MTRFR: variants seen among roughly 807,000 people sequenced by gnomAD.
MTRFR encodes the protein probable peptide chain release factor C12orf65, mitochondrial.
A neutral mutation model predicts 11.9 loss-of-function variants in MTRFR; 10 were observed. The observed-to-expected ratio is 0.84, with a 90% CI of 0.52 to 1.42. The LOEUF is 1.42. Among genes scored for constraint, MTRFR ranks in the 40% most tolerant of loss-of-function variants. The pLI is 0.00. For missense variants in MTRFR, 196 were observed against 197.9 expected (o/e 0.99, Z 0.06); for synonymous variants, 77 against 79.1 (o/e 0.97, Z 0.14).
chr12:123,249,792 A>C (rs1405731687), intron 1 of MTRFR: 1 of 152,390 alleles, frequency 6.6e-6, no homozygotes, highest in Non-Finnish European at 1.5e-5. Context: ...AGGCGCCGAG[A>C]GCGAGTGAGG....
chr12:123,252,491 CGTT>C, intron 1 of MTRFR: 1 of 151,568 alleles, frequency 6.6e-6, no homozygotes, highest in Non-Finnish European at 1.5e-5. Context: ...AGTTGGACCA[CGTT>C]GTTGGCAGTG....
chr12:123,256,793 T>C lies in MTRFR; in HGVS notation c.283-20T>C. On this transcript the variant is annotated intron_variant, in intron 2 of 2. Transcript: ENST00000253233. ...TTAACATCCTGTGGTTTTCACATTA[T>C]AAAATATTATCTCTTACAGTGCCAT... 1.9e-6 allele frequency: 3 copies of C among 1,590,416 alleles called. No individual in the cohort carries two copies. The highest frequency in any genetic ancestry group is 2.6e-6 in the Non-Finnish European group (3 of 1,158,686).
At position 123,256,932 on chromosome 12, in the gene MTRFR, G is replaced by C; in HGVS notation, c.402G>C (p.Ala134=). Residue 134 remains alanine (A), a synonymous_variant, in exon 3 of 3, where the codon GCG becomes GCC. Coordinates refer to ENST00000253233, the MANE Select transcript of MTRFR (RefSeq NM_152269.5). ...CTGTTCACAAAGAAAAACGAGAAGCGGCGAAGAAAAAACAAGAAAGGAAAA... is the reference window on the plus strand; with the variant it reads ...CTGTTCACAAAGAAAAACGAGAAGCCGCGAAGAAAAAACAAGAAAGGAAAA... The part of the protein sequence containing the change: ...NSPVHKEKRE[A]AKKKQERKKR... 6.2e-7 allele frequency: 1 copy of C among 1,613,408 alleles called. No homozygotes were observed. The highest frequency in any genetic ancestry group is 8.5e-7 in the Non-Finnish European group (1 of 1,179,882).
intron 1 of MTRFR, among the ~76,000 whole-genome samples, chr12:123,246,692 T>G: frequency 1.4e-5 from 2 of 145,670 alleles, no homozygotes; most frequent in Non-Finnish European, 1.5e-5. Flanking sequence ...TCTGAGAGAG[T>G]GCTTGATATA....
In MTRFR at chr12:123,256,938, G is replaced by A; in HGVS notation, c.408G>A (p.Lys136=). The part of the protein sequence containing the change: ...PVHKEKREAA[K]KKQERKKRAK... ...ACAAAGAAAAACGAGAAGCGGCGAA[G>A]AAAAAACAAGAAAGGAAAAAAAGAG... The change falls in exon 3 of 3, where the codon AAG becomes AAA. Residue 136 remains lysine (K), a synonymous_variant. Coordinates refer to ENST00000253233, the MANE Select transcript of MTRFR (RefSeq NM_152269.5). The A allele has an allele frequency of 6.2e-7, 1 of 1,612,872 alleles. No homozygotes were observed. The highest frequency in any genetic ancestry group is 2.2e-5 in the East Asian group (1 of 44,850).
intron 1 of MTRFR, among the ~76,000 whole-genome samples, chr12:123,243,534 A>G: frequency 9.4e-6 from 1 of 106,352 alleles, no homozygotes; most frequent in African/African-American, 2.9e-5. Flanking sequence ...CGTCTCAAAA[A>G]AAAAAAAAAA....
upstream of MTRFR, chr12:123,233,078 G>A (rs1035784867): frequency 1.3e-5 from 2 of 152,286 alleles, no homozygotes; most frequent in African/African-American, 4.8e-5. Context: ...CGCTTACCTG[G>A]CCGCCGCTCC....
chr12:123,238,364 A>T (rs1261134449), intron 1 of MTRFR, among the ~76,000 whole-genome samples: 2 of 152,164 alleles, frequency 1.3e-5, no homozygotes, highest in African/African-American at 2.4e-5. Context: ...ACTGTTTATT[A>T]GGTCATTGTT....
intron 1 of MTRFR, chr12:123,251,019 G>A (rs1465560038): frequency 6.6e-6 from 1 of 152,336 alleles, no homozygotes; most frequent in Admixed American, 6.5e-5. Context: ...TGCGGCTGCT[G>A]TAGGGAATGT....
At chr12:123,252,995 C>G (rs1053590015) in intron 1 of MTRFR, among the ~76,000 whole-genome samples, 1 of 149,698 alleles carries the variant, frequency 6.7e-6, no homozygotes, top group African/African-American at 2.5e-5. Context: ...CATTTAAATA[C>G]TGGCACTTGA....
chr12:123,241,281 C>T (rs1342162814), intron 1 of MTRFR, among the ~76,000 whole-genome samples: 1 of 151,544 alleles, frequency 6.6e-6, no homozygotes, highest in East Asian at 1.9e-4. Context: ...TGTGAGCCAT[C>T]ACACCCAGCA....
chr12:123,242,114 T>C (rs2047949306), intron 1 of MTRFR, among the ~76,000 whole-genome samples: 1 of 152,252 alleles, frequency 6.6e-6, no homozygotes, highest in Non-Finnish European at 1.5e-5. Flanking sequence ...CACAAATTAA[T>C]GTTCCCTTTT....
intron 1 of MTRFR, among the ~76,000 whole-genome samples, chr12:123,241,641 ATT>A (rs2047939299): frequency 6.6e-6 from 1 of 151,554 alleles, no homozygotes; most frequent in African/African-American, 2.4e-5. Context: ...TGCCCAGCCT[ATT>A]TTGTTTTTTA....
intron 1 of MTRFR, among the ~76,000 whole-genome samples, chr12:123,236,211 A>C (rs928872824): frequency 8.5e-5 from 13 of 152,238 alleles, no homozygotes; most frequent in Admixed American, 6.5e-4. Context: ...TTGAAAACCT[A>C]ATGGTTTCCA....
chr12:123,256,070 A>G (rs2048179186), intron 2 of MTRFR, among the ~76,000 whole-genome samples: 1 of 152,110 alleles, frequency 6.6e-6, no homozygotes, highest in Non-Finnish European at 1.5e-5. Flanking sequence ...CTGGCTTAAG[A>G]TTTATCTTTT....
intron 1 of MTRFR, among the ~76,000 whole-genome samples, chr12:123,245,853 G>A (rs555664457): frequency 6.6e-6 from 1 of 152,250 alleles, no homozygotes; most frequent in South Asian, 2.1e-4. Context: ...TTAGCAAACA[G>A]TGACAGCTTG....
At chr12:123,250,557 G>T in intron 1 of MTRFR, 1 of 152,326 alleles carries the variant, frequency 6.6e-6, no homozygotes, top group Non-Finnish European at 1.5e-5. Flanking sequence ...TTCTCTTCAT[G>T]TAGTACTCTG....
In MTRFR at chr12:123,253,944, C is replaced by T; in HGVS notation, c.270C>T (p.Gly90=). The T allele has an allele frequency of 6.2e-7, 1 of 1,614,186 alleles. No individual in the cohort carries two copies. The highest frequency in any genetic ancestry group is 2.2e-5 in the East Asian group (1 of 44,878). ...NCVVLKHIPS[G]IVVKCHQTRS... is the part of the protein sequence containing the mutation. ...TGGTGCTGAAGCACATCCCCTCAGG[C>T]ATCGTTGTAAAGGTAGATCACAGAA... Residue 90 remains glycine (G), a synonymous_variant, in exon 2 of 3, where the codon GGC becomes GGT. Coordinates refer to ENST00000253233, the MANE Select transcript of MTRFR (RefSeq NM_152269.5).
In MTRFR at chr12:123,239,252, G is replaced by C. The variant is rs2047893971; in HGVS notation, c.-29+5721G>C. On this transcript the variant is annotated intron_variant, in intron 1 of 2. Transcript: ENST00000253233. ...CCACTATACTCCAGCCTGGGTGATG[G>C]AGCCAGACTGGTCTCAAAATAATAA... 2.6e-5 allele frequency among the ~76,000 whole-genome samples: 4 copies of C among 152,192 alleles called. No homozygotes were observed. The South Asian group carries it at 8.3e-4, about 31-fold the overall frequency.
Sources: gnomAD v4.1 joint callset for allele counts (sites outside exome capture counted in the v4.1 genomes callset) on GRCh38, gnomAD v4.1.1 for gene constraint, MANE v1.5 for transcripts, NCBI Gene and HGNC (gene_info 2026-07-23, HGNC 2026-07-21) for gene names.